The following TMEM170B variants were observed in gnomAD, a reference collection of about 807,000 sequenced individuals.
The protein encoded by TMEM170B is transmembrane protein 170B.
In TMEM170B, 6 loss-of-function variants were observed where a neutral mutation model predicts 13.0. That is an observed-to-expected ratio of 0.46 (90% CI 0.25 to 0.91). The LOEUF is 0.91. Among genes scored for constraint, TMEM170B ranks in the 40% least tolerant of loss-of-function variants. The pLI is 0.17. For missense variants in TMEM170B, 138 were observed against 165.2 expected, an observed-to-expected ratio of 0.84 and a Z score of 0.90; for synonymous variants, 61 against 64.9, an observed-to-expected ratio of 0.94 and a Z score of 0.29.
rs898535983 is a variant in TMEM170B, at chr6:11,579,302, C to T, written c.*3741C>T. 12 of 152,192 alleles carry T rather than the reference C, an allele frequency of 7.9e-5. No individual in the cohort carries two copies. The highest frequency in any genetic ancestry group is 2.9e-4 in the African/African-American group (12 of 41,452). The allele number at this position is 152,192 out of a possible 1,614,324, so 9.4% of individuals were successfully genotyped here. ...CAACTTTTTGACCTTGAGCAAATCA[C>T]TTAACTTCTCTGAGCCTCAGTTCAT... On this transcript the variant is annotated 3_prime_UTR_variant, in exon 3 of 3. Transcript: ENST00000379426.
intron 2 of TMEM170B, among the ~76,000 whole-genome samples, chr6:11,566,325 C>T (rs969107086): frequency 6.6e-6 from 1 of 152,202 alleles, no homozygotes; most frequent in African/African-American, 2.4e-5. Context: ...AGAGTGTCTT[C>T]TAGTGCTTTG....
At chr6:11,569,210 TG>T (rs1432392253) in intron 2 of TMEM170B, among the ~76,000 whole-genome samples, 4 of 152,124 alleles carry the variant, frequency 2.6e-5, no homozygotes, top group Non-Finnish European at 5.9e-5. Flanking sequence ...GACCTCTTGT[TG>T]GTTTTGGACT....
intron 1 of TMEM170B, among the ~76,000 whole-genome samples, chr6:11,541,553 A>G (rs1477041206): frequency 2.0e-5 from 3 of 152,126 alleles, no homozygotes; most frequent in African/African-American, 2.4e-5. Flanking sequence ...TTCATCTTCT[A>G]TTTAGACCAC....
intron 1 of TMEM170B, among the ~76,000 whole-genome samples, chr6:11,543,478 T>A (rs140795970): frequency 6.6e-6 from 1 of 152,242 alleles, no homozygotes; most frequent in Non-Finnish European, 1.5e-5. Context: ...ATATTTTGTT[T>A]AATCTTTTAG....
intron 1 of TMEM170B, among the ~76,000 whole-genome samples, chr6:11,563,048 C>T (rs1055430141): frequency 3.9e-5 from 6 of 152,218 alleles, no homozygotes; most frequent in African/African-American, 9.6e-5. Flanking sequence ...GAAGCATACT[C>T]GCTGTTGACT....
intron 2 of TMEM170B, among the ~76,000 whole-genome samples, chr6:11,574,597 A>G (rs1455597683): frequency 6.6e-6 from 1 of 152,146 alleles, no homozygotes. Flanking sequence ...GGCCATCTCC[A>G]TCTGTGGGAT....
chr6:11,577,699 A>G lies in TMEM170B; in HGVS notation c.*2138A>G, dbSNP rs1272589351. The G allele has an allele frequency of 6.6e-6, 1 of 152,148 alleles. No individual in the cohort carries two copies. The highest frequency in any genetic ancestry group is 1.5e-5 in the Non-Finnish European group (1 of 67,964). 9.4% of individuals were successfully genotyped at this position (152,148 alleles called of 1,614,324 possible). On this transcript the variant is annotated 3_prime_UTR_variant, in exon 3 of 3. Coordinates refer to ENST00000379426, the MANE Select transcript of TMEM170B (RefSeq NM_001100829.3). ...ACTAATGTGTGGACCAAAGAGATTT[A>G]AACTATTGTTTTTACTCTAGAATGA... is the stretch of plus-strand genomic sequence containing the variant.
intron 1 of TMEM170B, among the ~76,000 whole-genome samples, chr6:11,549,531 C>T (rs931710540): frequency 3.9e-5 from 6 of 151,960 alleles, no homozygotes; most frequent in Non-Finnish European, 8.8e-5. Context: ...GGCGTAGTGG[C>T]GGGCACCTAT....
intron 2 of TMEM170B, among the ~76,000 whole-genome samples, chr6:11,571,207 A>G (rs1166130978): frequency 6.9e-6 from 1 of 144,420 alleles, no homozygotes; most frequent in Non-Finnish European, 1.5e-5. Context: ...CATTTTAGAG[A>G]TAGAGTCTGG....
chr6:11,548,509 A>T (rs1321613531), intron 1 of TMEM170B, among the ~76,000 whole-genome samples: 1 of 151,260 alleles, frequency 6.6e-6, no homozygotes, highest in Non-Finnish European at 1.5e-5. Context: ...ATTGTGGAAA[A>T]CTGTGGCGAT....
intron 1 of TMEM170B, among the ~76,000 whole-genome samples, chr6:11,550,601 T>C (rs774812353): frequency 6.6e-6 from 1 of 152,236 alleles, no homozygotes; most frequent in Non-Finnish European, 1.5e-5. Context: ...AATTTTACTT[T>C]TAGTAGTTAA....
At chr6:11,569,596 A>G (rs1173252265) in intron 2 of TMEM170B, among the ~76,000 whole-genome samples, 2 of 152,222 alleles carry the variant, frequency 1.3e-5, no homozygotes, top group African/African-American at 2.4e-5. Flanking sequence ...ATGAATGCTC[A>G]TGGCCTGTTT....
chr6:11,566,890 C>T (rs1477878666), intron 2 of TMEM170B, among the ~76,000 whole-genome samples: 4 of 152,236 alleles, frequency 2.6e-5, no homozygotes, highest in Non-Finnish European at 4.4e-5. Context: ...CGGTGGAATG[C>T]CCCCAAAGGT....
At chr6:11,549,535 C>G (rs1272703629) in intron 1 of TMEM170B, among the ~76,000 whole-genome samples, 1 of 151,850 alleles carries the variant, frequency 6.6e-6, no homozygotes, top group African/African-American at 2.4e-5. Context: ...TAGTGGCGGG[C>G]ACCTATAGTC....
At chr6:11,567,332 C>T (rs1233110814) in intron 2 of TMEM170B, among the ~76,000 whole-genome samples, 1 of 152,214 alleles carries the variant, frequency 6.6e-6, no homozygotes, top group East Asian at 1.9e-4. Context: ...CTGGCCTATT[C>T]CCATATGTCA....
At chr6:11,543,353 T>C (rs555922466) in intron 1 of TMEM170B, among the ~76,000 whole-genome samples, 7 of 152,342 alleles carry the variant, frequency 4.6e-5, no homozygotes. Context: ...GTGAATATGC[T>C]GTTAAGGAAG....
At chr6:11,557,961 G>A (rs761887739) in intron 1 of TMEM170B, among the ~76,000 whole-genome samples, 1 of 152,060 alleles carries the variant, frequency 6.6e-6, no homozygotes, top group Admixed American at 6.5e-5. Flanking sequence ...CCAGGCTGGA[G>A]TGCAGTGGCA....
At chr6:11,562,907 CT>C (rs1369312136) in intron 1 of TMEM170B, among the ~76,000 whole-genome samples, 2 of 152,154 alleles carry the variant, frequency 1.3e-5, no homozygotes, top group Non-Finnish European at 1.5e-5. Context: ...ACCCTCCTTC[CT>C]TTTTAAGGAG....
Position 11,575,720 on chromosome 6 carries a change from G to A in TMEM170B, c.*159G>A. 1.2e-6 allele frequency: 1 copy of A among 819,694 alleles called. No homozygotes were observed. Among genetic ancestry groups the A allele is most frequent in the Non-Finnish European group, 1.9e-6 (1 of 534,452 alleles). The allele number at this position is 819,694 out of a possible 1,614,324, so 50.8% of individuals were successfully genotyped here. On this transcript the variant is annotated 3_prime_UTR_variant, in exon 3 of 3. Coordinates refer to ENST00000379426, the MANE Select transcript of TMEM170B (RefSeq NM_001100829.3). This position sits in a 1 kb window ranked among gnomAD's most constrained non-coding sequence, Gnocchi z 4.1. ...GAGCTGTGTGGAAGGATTGCCCTCT[G>A]GTGTTCAAGTGATTGCACTACCGCA...
Sources: gnomAD v4.1 joint callset for allele counts (sites outside exome capture counted in the v4.1 genomes callset) on GRCh38, gnomAD v4.1.1 for gene constraint, Gnocchi (gnomAD v3.1) non-coding constraint, MANE v1.5 for transcripts, NCBI Gene and HGNC (gene_info 2026-07-23, HGNC 2026-07-21) for gene names.